Variants in KDM3A observed in about 807,000 individuals in gnomAD.
The protein encoded by KDM3A is lysine-specific demethylase 3A.
Under a neutral mutation model 158.0 loss-of-function variants are expected in KDM3A, and 60 were observed. The observed-to-expected ratio is 0.38, with a 90% confidence interval of 0.31 to 0.47. The LOEUF is 0.47. Ranked by LOEUF, KDM3A falls within the 20% of genes least tolerant of loss-of-function variation. The pLI is 0.99. For synonymous variants in KDM3A, 608 were observed against 549.3 expected (o/e 1.11, Z -1.49); for missense variants, 1,319 against 1,574.3 (o/e 0.84, Z 2.74).
intron 16 of KDM3A, among the ~76,000 whole-genome samples, chr2:86,481,149 C>G (rs1361321418): frequency 6.6e-6 from 1 of 152,258 alleles, no homozygotes; most frequent in Non-Finnish European, 1.5e-5. Flanking sequence ...TAATGATTTA[C>G]AAAAAACTTC....
Position 86,481,992 on chromosome 2 carries a change from T to A in KDM3A, c.2575T>A (p.Leu859Ile). The A allele has an allele frequency of 1.2e-6, 2 of 1,614,092 alleles. No homozygotes were observed. The highest frequency in any genetic ancestry group is 1.7e-6 in the Non-Finnish European group (2 of 1,179,976). Residue 859 changes from leucine (L) to isoleucine (I), a missense_variant, in exon 17 of 26, where the codon TTA (leucine) becomes ATA (isoleucine). Physicochemically the swap from Leu to Ile is conservative, Grantham distance 5. This residue lies in a region of KDM3A where 368 missense variants were observed against 415.8 expected (regional missense o/e 0.89). Coordinates refer to ENST00000312912, the MANE Select transcript of KDM3A (RefSeq NM_018433.6). ...CAAATGCCTTCCACCCCTCCCACCT[T>A]TAAGCAAATCCAGCACAGTCCTCCA... ...EIKCLPPLPPLSKSSTVLHTF... is the reference protein window; with the variant it reads ...EIKCLPPLPPISKSSTVLHTF...
At chr2:86,437,198 T>G (rs1392215683), upstream of KDM3A, among the ~76,000 whole-genome samples, 1 of 152,116 alleles carries the variant, frequency 6.6e-6, no homozygotes, top group Non-Finnish European at 1.5e-5. Context: ...TGGAGTGCAG[T>G]GGCGTGATCT....
chr2:86,482,097 G>C lies in KDM3A; in HGVS notation c.2680G>C (p.Gly894Arg). The C allele has an allele frequency of 6.2e-7, 1 of 1,612,906 alleles. No homozygotes were observed. The highest frequency in any genetic ancestry group is 8.5e-7 in the Non-Finnish European group (1 of 1,179,376). ...FLRNLLNSST[G>R]KTENGLKNTP... ...CCGGAATCTCTTGAATTCTTCTACA[G>C]GAAAGGTATGTGTTTGTTTGTTGGT... The change falls in exon 17 of 26, where the codon GGA (glycine) becomes CGA (arginine). Residue 894 changes from glycine to arginine, a missense_variant. Gly to Arg is a moderately radical substitution (Grantham distance 125). Coordinates refer to ENST00000312912, the MANE Select transcript of KDM3A (RefSeq NM_018433.6).
intron 2 of KDM3A, among the ~76,000 whole-genome samples, chr2:86,444,266 C>T (rs1404641304): frequency 6.6e-6 from 1 of 152,164 alleles, no homozygotes; most frequent in Non-Finnish European, 1.5e-5. Context: ...AGTGTCTTCT[C>T]CACTGCACTT....
chr2:86,460,471 C>T (rs554139018), intron 8 of KDM3A, among the ~76,000 whole-genome samples: 4 of 152,242 alleles, frequency 2.6e-5, no homozygotes, highest in South Asian at 2.1e-4. Flanking sequence ...GCACTCAGCA[C>T]GATTCTCACT....
At chr2:86,461,215 G>T (rs1672915052) in intron 8 of KDM3A, among the ~76,000 whole-genome samples, 1 of 152,112 alleles carries the variant, frequency 6.6e-6, no homozygotes, top group South Asian at 2.1e-4. Flanking sequence ...CTGTGCTGTT[G>T]CCACTGCTCT....
At chr2:86,473,404 C>T (rs1464638029) in intron 11 of KDM3A, among the ~76,000 whole-genome samples, 1 of 152,136 alleles carries the variant, frequency 6.6e-6, no homozygotes, top group Non-Finnish European at 1.5e-5. Flanking sequence ...CTGTCTCAGC[C>T]TCCCAAAGTG....
At position 86,482,602 on chromosome 2, in the gene KDM3A, T is replaced by C. The variant is rs776896753; in HGVS notation, c.2830T>C (p.Tyr944His). The C allele has an allele frequency of 1.4e-5, 23 of 1,613,906 alleles. No individual in the cohort carries two copies. Among genetic ancestry groups the C allele is most frequent in the Non-Finnish European group, 2.5e-6 (3 of 1,179,900 alleles). The change falls in exon 18 of 26, where the codon TAT becomes CAT. Residue 944 changes from tyrosine (Y) to histidine (H), a missense_variant. Transcript: ENST00000312912. ...PSILGFDTPH[Y>H]WLCDNRLLCL... ...CATTCTGGGCTTTGACACTCCTCACTATTGGCTTTGTGATAATCGCTTGCT... is the reference window on the plus strand; with the variant it reads ...CATTCTGGGCTTTGACACTCCTCACCATTGGCTTTGTGATAATCGCTTGCT...
intron 11 of KDM3A, among the ~76,000 whole-genome samples, chr2:86,474,310 C>T (rs1163504467): frequency 1.3e-5 from 2 of 152,108 alleles, no homozygotes; most frequent in East Asian, 3.8e-4. Flanking sequence ...TAATCATTGG[C>T]TGTGATTAGC....
At chr2:86,449,708 C>G (rs1672357842) in intron 2 of KDM3A, 99 bp from the exon 3 acceptor site, 1 of 1,302,978 alleles carries the variant, frequency 7.7e-7, no homozygotes, top group Non-Finnish European at 1.1e-6. Context: ...ATAAAGGATT[C>G]AAATAGAATA....
intron 2 of KDM3A, among the ~76,000 whole-genome samples, chr2:86,445,705 T>C (rs1558602153): frequency 6.6e-6 from 1 of 152,224 alleles, no homozygotes; most frequent in African/African-American, 2.4e-5. Context: ...ATTGAAACTT[T>C]AATGTTAGTG....
upstream of KDM3A, among the ~76,000 whole-genome samples, chr2:86,440,169 T>C (rs193111487): frequency 8.7e-6 from 1 of 114,412 alleles, no homozygotes; most frequent in African/African-American, 3.8e-5. Context: ...GTCTACAGAT[T>C]ATAAATCCAA....
intron 6 of KDM3A, 116 bp from the exon 7 acceptor site, chr2:86,456,689 G>A: frequency 7.8e-7 from 1 of 1,283,582 alleles, no homozygotes; most frequent in Non-Finnish European, 1.1e-6. Flanking sequence ...AATTACAGTT[G>A]TTTTAAAAAG....
At chr2:86,451,043 C>G in intron 3 of KDM3A, 60 bp from the exon 4 acceptor site, 1 of 1,147,486 alleles carries the variant, frequency 8.7e-7, no homozygotes, top group Non-Finnish European at 1.2e-6. Context: ...ATTGCCAGTT[C>G]CTATTTTCAG....
At chr2:86,482,152 A>G in intron 17 of KDM3A, 50 bp downstream of exon 17, 1 of 1,568,372 alleles carries the variant, frequency 6.4e-7, no homozygotes, top group Non-Finnish European at 8.8e-7. Flanking sequence ...AAGACAGAAC[A>G]GGAAGAGAGT....
At chr2:86,486,721 A>G (rs1674194035) in intron 21 of KDM3A, among the ~76,000 whole-genome samples, 1 of 152,094 alleles carries the variant, frequency 6.6e-6, no homozygotes, top group Non-Finnish European at 1.5e-5. Context: ...TGTTCTCCAA[A>G]GACTGTTGGG....
chr2:86,485,910 T>C (rs1314452379), intron 21 of KDM3A, 51 bp downstream of exon 21: 3 of 1,580,978 alleles, frequency 1.9e-6, no homozygotes, highest in Non-Finnish European at 2.6e-6. Context: ...ATTCAAAATG[T>C]TTGGAAAATT....
chr2:86,459,371 A>C (rs1031130432), intron 8 of KDM3A, among the ~76,000 whole-genome samples: 2 of 152,172 alleles, frequency 1.3e-5, no homozygotes, highest in African/African-American at 2.4e-5. Flanking sequence ...AACGTTAGAG[A>C]AATTGTTGGC....
intron 12 of KDM3A, among the ~76,000 whole-genome samples, chr2:86,476,593 T>C (rs1673670074): frequency 6.6e-6 from 1 of 152,196 alleles, no homozygotes; most frequent in Non-Finnish European, 1.5e-5. Flanking sequence ...ATCTCGACTA[T>C]TACTACTTTT....
Sources: allele counts gnomAD v4.1 joint callset (sites outside exome capture counted in the v4.1 genomes callset), GRCh38; gene constraint gnomAD v4.1.1; regional missense constraint gnomAD v4.1.1; transcripts MANE v1.5; gene names NCBI Gene and HGNC (gene_info 2026-07-23, HGNC 2026-07-21).